MAGI3: variants seen among roughly 807,000 people sequenced by gnomAD.
The protein encoded by MAGI3 is membrane-associated guanylate kinase, WW and PDZ domain-containing protein 3.
In MAGI3, 43 loss-of-function variants were observed where a neutral mutation model predicts 121.8. The observed-to-expected ratio is 0.35, with a 90% CI of 0.28 to 0.46. The LOEUF is 0.46. Ranked by LOEUF, MAGI3 falls within the 20% of genes least tolerant of loss-of-function variation. MAGI3 has a pLI of 1.00. For missense variants in MAGI3, 1,547 were observed against 1,797.3 expected, an observed-to-expected ratio of 0.86 and a Z score of 2.52; for synonymous variants, 553 against 639.3, an observed-to-expected ratio of 0.86 and a Z score of 2.04.
chr1:113,639,196 A>G (rs1030674961), intron 9 of MAGI3, among the ~76,000 whole-genome samples: 1 of 152,202 alleles, frequency 6.6e-6, no homozygotes, highest in Admixed American at 6.5e-5. Context: ...CGAGTGAGGC[A>G]ATGCCTCGCC....
chr1:113,469,686 ACTTATCT>A (rs1322783691), intron 1 of MAGI3, among the ~76,000 whole-genome samples: 1 of 152,152 alleles, frequency 6.6e-6, no homozygotes, highest in African/African-American at 2.4e-5. Context: ...CCAAGAATCA[ACTTATCT>A]CTTATATTAT....
Position 113,453,090 on chromosome 1 carries a change from C to T in MAGI3, c.316+61741C>T, listed in dbSNP as rs550148761. 3.3e-4 allele frequency among the ~76,000 whole-genome samples: 50 copies of T among 152,288 alleles called. No individual in the cohort carries two copies. The South Asian group carries it at 9.5e-3, about 29-fold the overall frequency. ...AGTTCTTCATGGGAAAGCAGACCAG[C>T]TCAGCCTAGCCTGAATGCCACCTAG... On this transcript the variant is annotated intron_variant, in intron 1 of 20. Transcript: ENST00000307546.
rs1362634378 is a variant in MAGI3 at position 113,653,860 on chromosome 1, C to A, written c.2471C>A (p.Ala824Asp). Residue 824 changes from alanine to aspartate, a missense_variant, in exon 15 of 21, where the codon GCC becomes GAC. Ala to Asp is a moderately radical substitution (Grantham distance 126). Transcript: ENST00000307546. ...CAACCCGAGGACGACAGCTCTCAGG[C>A]CTTCATTTCAACACAGAATGGATCT... is the stretch of plus-strand genomic sequence containing the variant. ...EKQPEDDSSQ[A>D]FISTQNGSPR... 6.2e-7 allele frequency: 1 copy of A among 1,610,032 alleles called. No homozygotes were observed. The highest frequency in any genetic ancestry group is 8.5e-7 in the Non-Finnish European group (1 of 1,178,436).
At chr1:113,471,680 A>G (rs909082810) in intron 1 of MAGI3, among the ~76,000 whole-genome samples, 1 of 152,204 alleles carries the variant, frequency 6.6e-6, no homozygotes, top group African/African-American at 2.4e-5. Flanking sequence ...ATATAATTGT[A>G]TGTGCTATAC....
chr1:113,602,789 G>C (rs1380113625), intron 6 of MAGI3, among the ~76,000 whole-genome samples: 3 of 152,112 alleles, frequency 2.0e-5, no homozygotes, highest in Non-Finnish European at 2.9e-5. Context: ...AACCAGGTAT[G>C]GTGGTGCCCA....
At chr1:113,503,324 A>AAG (rs1342608466) in intron 1 of MAGI3, among the ~76,000 whole-genome samples, 1 of 147,496 alleles carries the variant, frequency 6.8e-6, no homozygotes, top group African/African-American at 2.5e-5. Context: ...AAAAAAAAAA[A>AAG]AAAAAAAAAG....
chr1:113,670,569 A>C (rs1373393540), intron 16 of MAGI3, among the ~76,000 whole-genome samples: 1 of 152,222 alleles, frequency 6.6e-6, no homozygotes, highest in Admixed American at 6.5e-5. Flanking sequence ...TTATAAAGCA[A>C]GGTAAAGATT....
intron 1 of MAGI3, among the ~76,000 whole-genome samples, chr1:113,506,954 T>C (rs559353131): frequency 1.3e-4 from 20 of 152,148 alleles, no homozygotes; most frequent in Non-Finnish European, 2.4e-4. Context: ...ATCCCAAAAC[T>C]CTCCAGATGG....
chr1:113,575,992 AG>A, intron 2 of MAGI3, among the ~76,000 whole-genome samples: 1 of 152,284 alleles, frequency 6.6e-6, no homozygotes, highest in South Asian at 2.1e-4. Flanking sequence ...TAACACTGTG[AG>A]GGGAAAACCA....
At chr1:113,613,560 C>G (rs541937035) in intron 6 of MAGI3, among the ~76,000 whole-genome samples, 1 of 152,254 alleles carries the variant, frequency 6.6e-6, no homozygotes, top group South Asian at 2.1e-4. Context: ...ACTAATAAGT[C>G]TTGTGATGCT....
chr1:113,442,682 A>G (rs1465835330), intron 1 of MAGI3, among the ~76,000 whole-genome samples: 2 of 151,212 alleles, frequency 1.3e-5, no homozygotes, highest in South Asian at 2.1e-4. Flanking sequence ...TATATCATAC[A>G]TATATATATA....
chr1:113,677,964 A>G (rs539621287), intron 19 of MAGI3, among the ~76,000 whole-genome samples: 24 of 152,202 alleles, frequency 1.6e-4, no homozygotes, highest in African/African-American at 5.3e-4. Flanking sequence ...AGTTTTGTGT[A>G]TGTAGGTCTC....
chr1:113,659,008 G>T, intron 15 of MAGI3, 72 bp from the exon 16 acceptor site: 1 of 1,219,412 alleles, frequency 8.2e-7, no homozygotes, highest in South Asian at 1.5e-5. Flanking sequence ...AATTTTAAAT[G>T]ACGTTGATTA....
At chr1:113,612,143 A>C (rs1051496361) in intron 6 of MAGI3, among the ~76,000 whole-genome samples, 2 of 151,820 alleles carry the variant, frequency 1.3e-5, no homozygotes, top group African/African-American at 2.4e-5. Context: ...GGGGTTTCAC[A>C]ATGTTGGCCA....
chr1:113,487,843 T>C (rs559709780), intron 1 of MAGI3, among the ~76,000 whole-genome samples: 9 of 152,260 alleles, frequency 5.9e-5, no homozygotes, highest in South Asian at 2.1e-4. Flanking sequence ...TTTTTTCACT[T>C]TAGTACCACA....
chr1:113,648,951 T>C (rs1321598230), intron 12 of MAGI3, among the ~76,000 whole-genome samples: 1 of 152,186 alleles, frequency 6.6e-6, no homozygotes, highest in East Asian at 1.9e-4. Flanking sequence ...ATTGTTATAT[T>C]GATTGGACAG....
intron 1 of MAGI3, among the ~76,000 whole-genome samples, chr1:113,513,918 A>C (rs946982812): frequency 7.2e-5 from 11 of 152,240 alleles, no homozygotes; most frequent in South Asian, 2.1e-4. Flanking sequence ...CAATGAACTC[A>C]AACAAATTTA....
In MAGI3 at chr1:113,422,797, A is replaced by G. The variant is rs1289791532; in HGVS notation, c.316+31448A>G. On this transcript the variant is annotated intron_variant, in intron 1 of 20. Coordinates refer to ENST00000307546, the MANE Select transcript of MAGI3 (RefSeq NM_001142782.2). The surrounding 1 kb of genome is among the most constrained non-coding windows in gnomAD (Gnocchi z 4.3). ...GTTTCGGGGGGCATGTTTTGGCCCAATTGTGTTATAGCTCTTTCAGTCTCA... is the reference window on the plus strand; with the variant it reads ...GTTTCGGGGGGCATGTTTTGGCCCAGTTGTGTTATAGCTCTTTCAGTCTCA... Among the ~76,000 whole-genome samples the G allele has an allele frequency of 2.0e-5, 3 of 152,138 alleles. No individual in the cohort carries two copies. Among genetic ancestry groups the G allele is most frequent in the Non-Finnish European group, 2.9e-5 (2 of 68,014 alleles).
intron 16 of MAGI3, among the ~76,000 whole-genome samples, chr1:113,667,100 C>T (rs748591053): frequency 1.1e-4 from 17 of 152,234 alleles, no homozygotes; most frequent in Admixed American, 2.6e-4. Flanking sequence ...TTCTTAAGGG[C>T]CCTAAGATTT....
Sources: gnomAD v4.1 joint callset for allele counts (sites outside exome capture counted in the v4.1 genomes callset) on GRCh38, gnomAD v4.1.1 for gene constraint, Gnocchi (gnomAD v3.1) non-coding constraint, MANE v1.5 for transcripts, NCBI Gene and HGNC (gene_info 2026-07-23, HGNC 2026-07-21) for gene names.